ARL3: variants seen among roughly 807,000 people sequenced by gnomAD.
ARL3 encodes the protein ADP-ribosylation factor-like protein 3.
ARL3 carries 9 observed loss-of-function variants against 26.0 expected under a neutral mutation model. The observed-to-expected ratio is 0.35, with a 90% CI of 0.21 to 0.60. The LOEUF is 0.60. Ranked by LOEUF, ARL3 falls within the 20% of genes least tolerant of loss-of-function variation. The probability of loss-of-function intolerance (pLI) is 0.78; values close to 1 mark genes in which losing one functional copy is unlikely to be tolerated. For synonymous variants in ARL3, 71 were observed against 78.4 expected (o/e 0.91, Z 0.50); for missense variants, 158 against 215.7 (o/e 0.73, Z 1.67).
At chr10:102,698,600 T>C (rs1413132345) in intron 3 of ARL3, among the ~76,000 whole-genome samples, 1 of 152,070 alleles carries the variant, frequency 6.6e-6, no homozygotes, top group Non-Finnish European at 1.5e-5. Context: ...GGAGGGCTGG[T>C]GAAGGAACTG....
At chr10:102,703,258 A>G (rs2064289967) in intron 2 of ARL3, among the ~76,000 whole-genome samples, 2 of 150,636 alleles carry the variant, frequency 1.3e-5, no homozygotes, top group African/African-American at 4.9e-5. Flanking sequence ...AGTAGCTGGG[A>G]TAACAGGTGC....
chr10:102,712,855 TAAGAAA>T (rs1038282174), intron 1 of ARL3, among the ~76,000 whole-genome samples: 1 of 152,138 alleles, frequency 6.6e-6, no homozygotes, highest in African/African-American at 2.4e-5. Context: ...TATAAATGAT[TAAGAAA>T]AAGAAACAGT....
At chr10:102,712,064 T>C (rs1393411988) in intron 1 of ARL3, among the ~76,000 whole-genome samples, 1 of 152,116 alleles carries the variant, frequency 6.6e-6, no homozygotes, top group Non-Finnish European at 1.5e-5. Flanking sequence ...TAAATATAAG[T>C]GGTTAGTTAC....
intron 3 of ARL3, 61 bp downstream of exon 3, chr10:102,699,312 T>C: frequency 2.3e-6 from 2 of 863,974 alleles, no homozygotes; most frequent in Admixed American, 4.6e-5. Flanking sequence ...TGTTACAGTG[T>C]CCATGTTTCT....
intron 1 of ARL3, among the ~76,000 whole-genome samples, chr10:102,710,957 G>C (rs1194868202): frequency 6.6e-6 from 1 of 152,176 alleles, no homozygotes; most frequent in Non-Finnish European, 1.5e-5. Flanking sequence ...GAGGGAGAAG[G>C]AATGCGTTGG....
At chr10:102,681,722 G>A (rs538688749) in intron 5 of ARL3, among the ~76,000 whole-genome samples, 1 of 152,302 alleles carries the variant, frequency 6.6e-6, no homozygotes, top group South Asian at 2.1e-4. Flanking sequence ...GGTTATGGGA[G>A]GAGGCAAGTC....
intron 1 of ARL3, among the ~76,000 whole-genome samples, chr10:102,706,701 C>T (rs2064312729): frequency 6.6e-6 from 1 of 151,966 alleles, no homozygotes; most frequent in East Asian, 2.0e-4. Flanking sequence ...TCTAATATTT[C>T]CCTCTGTCAC....
Position 102,676,372 on chromosome 10 carries a change from C to T in ARL3, c.*522G>A. On this transcript the variant is annotated 3_prime_UTR_variant, in exon 6 of 6. Coordinates refer to ENST00000260746, the MANE Select transcript of ARL3 (RefSeq NM_004311.4). ...CTTTTCTCCCCCCACCCCCACCCAG[C>T]AGCTTCCTGTCGGACAGACTGAAGC... The T allele has an allele frequency of 6.5e-6, 1 of 152,808 alleles. No individual in the cohort carries two copies. The allele number at this position is 152,808 out of a possible 1,614,324, so 9.5% of individuals were successfully genotyped here. A position where few individuals can be genotyped will look rare whatever the true frequency, so the allele number is the denominator to read the frequency against.
chr10:102,686,944 C>T (rs1349636944), intron 4 of ARL3, among the ~76,000 whole-genome samples: 3 of 141,904 alleles, frequency 2.1e-5, no homozygotes, highest in Admixed American at 7.4e-5. Flanking sequence ...GGCGCGATCT[C>T]GGCTCACTGC....
intron 4 of ARL3, 63 bp downstream of exon 4, chr10:102,689,829 CA>C (rs71019603): frequency 0.075 from 58,964 of 788,572 alleles, no homozygotes; most frequent in South Asian, 0.1. Flanking sequence ...AACTCCGTCT[CA>C]AAAAAAAAAA....
At chr10:102,704,735 G>A (rs894398975) in intron 2 of ARL3, among the ~76,000 whole-genome samples, 1 of 152,128 alleles carries the variant, frequency 6.6e-6, no homozygotes, top group African/African-American at 2.4e-5. Context: ...ACACACACAT[G>A]TGTATATATG....
At chr10:102,690,341 A>T (rs1245583592) in intron 3 of ARL3, among the ~76,000 whole-genome samples, 2 of 133,158 alleles carry the variant, frequency 1.5e-5, no homozygotes, top group African/African-American at 5.8e-5. Flanking sequence ...CTGCTCTGTC[A>T]CCCAGGCTGG....
At chr10:102,705,563 TCTC>T (rs2064305580) in intron 1 of ARL3, 74 bp from the exon 2 acceptor site, 4 of 1,372,074 alleles carry the variant, frequency 2.9e-6, no homozygotes, top group Admixed American at 2.6e-5. Flanking sequence ...GAGAATAACT[TCTC>T]CTTGAAAAAA....
chr10:102,705,486 A>C lies in ARL3; in HGVS notation c.7T>G (p.Leu3Val), dbSNP rs1276064080. Residue 3 changes from leucine (L) to valine (V), a missense_variant, in exon 2 of 6, where the codon TTG becomes GTG. Coordinates refer to ENST00000260746, the MANE Select transcript of ARL3 (RefSeq NM_004311.4). Reference protein sequence around the residue: MGLLSILRKLKSA... With the variant: MGVLSILRKLKSA... ...TTCAACTTGCGCAAAATTGAGAGCA[A>C]GCCCTTCAACAACCACAAAGGAGAC... is the stretch of plus-strand genomic sequence containing the variant. 2 of 1,591,520 alleles carry C rather than the reference A, an allele frequency of 1.3e-6. No homozygotes were observed.
intron 5 of ARL3, among the ~76,000 whole-genome samples, chr10:102,678,211 C>T (rs759813414): frequency 1.3e-5 from 2 of 151,832 alleles, no homozygotes; most frequent in African/African-American, 4.8e-5. Context: ...GCCGAAAGCC[C>T]GAAGGTGGAC....
intron 3 of ARL3, among the ~76,000 whole-genome samples, chr10:102,693,607 A>G (rs568607408): frequency 1.3e-5 from 2 of 152,276 alleles, no homozygotes; most frequent in East Asian, 3.9e-4. Flanking sequence ...TGTTTTGCAA[A>G]TATTTTCTCC....
In ARL3 at chr10:102,710,514, T is replaced by C. The variant is rs573916664; in HGVS notation, c.3+3759A>G. Among the ~76,000 whole-genome samples the C allele has an allele frequency of 7.2e-5, 11 of 152,356 alleles. No homozygotes were observed. The South Asian group carries it at 2.3e-3, about 32-fold the overall frequency. On this transcript the variant is annotated intron_variant, in intron 1 of 5. Coordinates refer to ENST00000260746, the MANE Select transcript of ARL3 (RefSeq NM_004311.4). The stretch of plus-strand genomic sequence containing the variant: ...GTTAAATTTATCATAGGGCTGAGTT[T>C]TGCAGTATAAATACAATGACATTAA...
At chr10:102,706,155 T>C (rs1462801267) in intron 1 of ARL3, among the ~76,000 whole-genome samples, 1 of 152,088 alleles carries the variant, frequency 6.6e-6, no homozygotes, top group African/African-American at 2.4e-5. Context: ...AAAAAATTTT[T>C]AAAAAAGATT....
intron 1 of ARL3, among the ~76,000 whole-genome samples, chr10:102,711,259 T>G (rs767260130): frequency 1.8e-4 from 27 of 151,840 alleles, no homozygotes; most frequent in Non-Finnish European, 3.5e-4. Context: ...TTCACCAGAG[T>G]CCTAATGAAA....
Sources: allele counts gnomAD v4.1 joint callset (sites outside exome capture counted in the v4.1 genomes callset), GRCh38; gene constraint gnomAD v4.1.1; transcripts MANE v1.5; gene names NCBI Gene and HGNC (gene_info 2026-07-23, HGNC 2026-07-21).